EBF4: variants seen among roughly 807,000 people sequenced by gnomAD.
EBF4 encodes the protein transcription factor COE4.
A neutral mutation model predicts 67.1 loss-of-function variants in EBF4; 34 were observed. The ratio of observed to expected loss-of-function variants is 0.51; its 90% CI spans 0.39 to 0.67. The LOEUF is 0.67. Ranked by LOEUF, EBF4 falls within the 30% of genes least tolerant of loss-of-function variation. The pLI is 0.00. For synonymous variants in EBF4, 387 were observed against 377.7 expected (o/e 1.02, Z -0.29); for missense variants, 837 against 873.3 (o/e 0.96, Z 0.52).
chr20:2,705,497 A>G (rs1370042494), intron 1 of EBF4, 80 bp from the exon 2 acceptor site: 2 of 1,542,372 alleles, frequency 1.3e-6, no homozygotes, highest in African/African-American at 2.7e-5. Flanking sequence ...CCTGGCTAGC[A>G]TGCCTGCCTG....
At chr20:2,702,471 A>T (rs902050586) in intron 1 of EBF4, among the ~76,000 whole-genome samples, 2 of 151,590 alleles carry the variant, frequency 1.3e-5, no homozygotes, top group Admixed American at 6.6e-5. Flanking sequence ...CCTCATCTTG[A>T]TCAGGGACAA....
chr20:2,758,862 C>T, intron 15 of EBF4, 47 bp from the exon 16 acceptor site: 1 of 1,529,878 alleles, frequency 6.5e-7, no homozygotes, highest in East Asian at 2.5e-5. Context: ...CAGGTGGCTT[C>T]CCAGGTGGCA....
At position 2,747,406 on chromosome 20, in the gene EBF4, A is replaced by T. The variant is rs1195828201; in HGVS notation, c.558-1143A>T. ...TGGTAGGTGACAGGACCAAGGACCC[A>T]CCCTCCCAGCCAACTGCCAGGAAGG... On this transcript the variant is annotated intron_variant, in intron 6 of 16. Transcript: ENST00000609451. The surrounding 1 kb of genome is among the most constrained non-coding windows in gnomAD (Gnocchi z 4.6). Among the ~76,000 whole-genome samples the T allele has an allele frequency of 6.6e-6, 1 of 151,998 alleles. No homozygotes were observed. The highest frequency in any genetic ancestry group is 1.5e-5 in the Non-Finnish European group (1 of 67,998).
rs2087292472 is a variant in EBF4 at position 2,696,648 on chromosome 20, T to TA, written c.137+2866_137+2867insA. On this transcript the variant is annotated intron_variant, in intron 1 of 16. Coordinates refer to ENST00000609451, the Ensembl canonical transcript of EBF4. The surrounding 1 kb of genome is among the most constrained non-coding windows in gnomAD (Gnocchi z 4.7). Reference sequence around the variant, plus strand: ...GGCAGTGGATACTTGGAGAATTAGCTGCGCCTCCAGTAAGTGCTATGGTCT... The same window carrying TA: ...GGCAGTGGATACTTGGAGAATTAGCTAGCGCCTCCAGTAAGTGCTATGGTCT... Among the ~76,000 whole-genome samples the TA allele has an allele frequency of 6.6e-6, 1 of 152,126 alleles. No homozygotes were observed. Among genetic ancestry groups the TA allele is most frequent in the Non-Finnish European group, 1.5e-5 (1 of 68,012 alleles).
Position 2,696,946 on chromosome 20 carries a change from C to T in EBF4, c.137+3164C>T, listed in dbSNP as rs570979084. On this transcript the variant is annotated intron_variant, in intron 1 of 16. Coordinates refer to ENST00000609451, the Ensembl canonical transcript of EBF4. This position sits in a 1 kb window ranked among gnomAD's most constrained non-coding sequence, Gnocchi z 4.7. ...CCGTTCATCCTTGTGTCCACAGCAC[C>T]CAGGGCAGGCTCAGGCAGTCCATGG... Among the ~76,000 whole-genome samples the T allele has an allele frequency of 6.6e-6, 1 of 152,290 alleles. No homozygotes were observed. Among genetic ancestry groups the T allele is most frequent in the African/African-American group, 2.4e-5 (1 of 41,556 alleles).
upstream of EBF4, chr20:2,692,804 A>G: frequency 6.6e-6 from 1 of 152,284 alleles, no homozygotes; most frequent in Non-Finnish European, 1.3e-5. The surrounding 1 kb of genome is among the most constrained non-coding windows in gnomAD (Gnocchi z 6.4). Flanking sequence ...CTCCCCCGGG[A>G]GCGGCGGCGG....
chr20:2,753,654 C>T (rs1458336334), intron 14 of EBF4, among the ~76,000 whole-genome samples: 1 of 152,192 alleles, frequency 6.6e-6, no homozygotes, highest in African/African-American at 2.4e-5. Context: ...GCCCGTGGTG[C>T]CCTCTCCTCT....
chr20:2,752,460 C>G, exon 14 of EBF4: 1 of 1,270,448 alleles, frequency 7.9e-7, no homozygotes, highest in Non-Finnish European at 9.9e-7. Context: ...GCCTGGGCGG[C>G]TACGGCGCGC....
chr20:2,756,565 T>C lies in EBF4; in HGVS notation c.1738+741T>C, dbSNP rs2146523015. Among the ~76,000 whole-genome samples the C allele has an allele frequency of 6.6e-6, 1 of 152,260 alleles. No individual in the cohort carries two copies. Among genetic ancestry groups the C allele is most frequent in the African/African-American group, 2.4e-5 (1 of 41,544 alleles). On this transcript the variant is annotated intron_variant, in intron 15 of 16. Coordinates refer to ENST00000609451, the Ensembl canonical transcript of EBF4. The surrounding 1 kb of genome is among the most constrained non-coding windows in gnomAD (Gnocchi z 4.5). ...GTGTCTTCCCTAAGAGGCTTACAGG[T>C]GTTTTCTTTTCTGGCTAAGGGATGC...
downstream of EBF4, chr20:2,759,920 C>T (rs1204523303): frequency 6.6e-6 from 1 of 152,366 alleles, no homozygotes; most frequent in East Asian, 1.9e-4. Flanking sequence ...TATTTGGGGT[C>T]TTCCCCCAGT....
chr20:2,731,321 C>A (rs747432563), intron 6 of EBF4, among the ~76,000 whole-genome samples: 1 of 152,190 alleles, frequency 6.6e-6, no homozygotes, highest in Non-Finnish European at 1.5e-5. Context: ...TCCAGGGTGG[C>A]TCTTCTCCAT....
At position 2,751,305 on chromosome 20, in the gene EBF4, T is replaced by C. The variant is rs1000820167; in HGVS notation, c.1019-395T>C. Among the ~76,000 whole-genome samples the C allele has an allele frequency of 6.6e-6, 1 of 152,218 alleles. No individual in the cohort carries two copies. The highest frequency in any genetic ancestry group is 1.5e-5 in the Non-Finnish European group (1 of 68,040). On this transcript the variant is annotated intron_variant, in intron 10 of 16. Coordinates refer to ENST00000609451, the Ensembl canonical transcript of EBF4. This position sits in a 1 kb window ranked among gnomAD's most constrained non-coding sequence, Gnocchi z 5.2. ...TGATAAATGGAGATTGTTAAGTTTT[T>C]TCTTTTTTATAATAAACTCCTGATT...
At chr20:2,750,600 G>T (rs557195251) in intron 10 of EBF4, among the ~76,000 whole-genome samples, 11 of 151,152 alleles carry the variant, frequency 7.3e-5, no homozygotes, top group African/African-American at 2.2e-4. Context: ...CCACCCCACC[G>T]CAGTCCCCAC....
Position 2,755,429 on chromosome 20 carries a change from C to T in EBF4, c.1541-198C>T, listed in dbSNP as rs983077194. On this transcript the variant is annotated intron_variant, in intron 14 of 16. Transcript: ENST00000609451. The surrounding 1 kb of genome is among the most constrained non-coding windows in gnomAD (Gnocchi z 4.7). ...GGTCTGGCCCTGTCATCCCCAGCCCCGAGAAAAGGTCTCCAGAACCGCTGA... is the reference window on the plus strand; with the variant it reads ...GGTCTGGCCCTGTCATCCCCAGCCCTGAGAAAAGGTCTCCAGAACCGCTGA... 19 of 575,612 alleles carry T rather than the reference C, an allele frequency of 3.3e-5. No individual in the cohort carries two copies. Among genetic ancestry groups the T allele is most frequent in the South Asian group, 6.5e-5 (3 of 46,102 alleles). The allele number at this position is 575,612 out of a possible 1,614,324, so 35.7% of individuals were successfully genotyped here. A position where few individuals can be genotyped will look rare whatever the true frequency, so the allele number is the denominator to read the frequency against.
chr20:2,713,240 A>G (rs1425978865), intron 6 of EBF4, among the ~76,000 whole-genome samples: 2 of 152,216 alleles, frequency 1.3e-5, no homozygotes, highest in African/African-American at 4.8e-5. Context: ...GACCTAGTGC[A>G]TAGGTAGAGA....
At chr20:2,719,524 T>G (rs2146419242) in intron 6 of EBF4, among the ~76,000 whole-genome samples, 1 of 152,248 alleles carries the variant, frequency 6.6e-6, no homozygotes, top group Non-Finnish European at 1.5e-5. Context: ...ATCCAGGCCC[T>G]GGCCTCCCAA....
At chr20:2,706,124 G>A (rs1300551002) in intron 3 of EBF4, 85 bp from the exon 4 acceptor site, 3 of 1,549,186 alleles carry the variant, frequency 1.9e-6, no homozygotes, top group East Asian at 4.9e-5. Flanking sequence ...CCCTGTGCCA[G>A]GGCTGGGGAG....
intron 5 of EBF4, 51 bp from the exon 6 acceptor site, chr20:2,709,523 C>T: frequency 1.3e-6 from 2 of 1,509,590 alleles, no homozygotes; most frequent in East Asian, 2.5e-5. Context: ...ACTGTCGTGG[C>T]CCCCTCCTTC....
intron 6 of EBF4, among the ~76,000 whole-genome samples, chr20:2,713,138 C>T (rs368986998): frequency 7.9e-5 from 12 of 152,032 alleles, no homozygotes; most frequent in South Asian, 2.1e-4. Context: ...CATATGCTGA[C>T]GAGAAACAGC....
Sources: gnomAD v4.1 joint callset for allele counts (sites outside exome capture counted in the v4.1 genomes callset) on GRCh38, gnomAD v4.1.1 for gene constraint, Gnocchi (gnomAD v3.1) non-coding constraint, MANE v1.5 for transcripts, NCBI Gene and HGNC (gene_info 2026-07-23, HGNC 2026-07-21) for gene names.